Variants in SEC14L5 observed in about 807,000 individuals in gnomAD.
SEC14L5 encodes SEC14 like lipid binding 5.
In SEC14L5, 96 loss-of-function variants were observed where a neutral mutation model predicts 84.6. The observed-to-expected ratio is 1.13, with a 90% CI of 0.96 to 1.34. The LOEUF (loss-of-function observed/expected upper bound fraction) is 1.34, where lower values mean the gene tolerates loss of function less well. Among genes scored for constraint, SEC14L5 ranks in the 40% most tolerant of loss-of-function variants. SEC14L5 has a pLI of 0.00. For synonymous variants in SEC14L5, 546 were observed against 383.4 expected, an observed-to-expected ratio of 1.42 and a Z score of -4.95; for missense variants, 1,224 against 942.5, an observed-to-expected ratio of 1.30 and a Z score of -3.91.
At chr16:4,997,492 C>T (rs1490908050) in intron 8 of SEC14L5, among the ~76,000 whole-genome samples, 4 of 152,196 alleles carry the variant, frequency 2.6e-5, no homozygotes, top group Non-Finnish European at 5.9e-5. Context: ...GAAGTGACAA[C>T]CTAGCTAGGA....
At chr16:5,007,622 T>C (rs925750875) in intron 13 of SEC14L5, 136 bp downstream of exon 13, 10 of 758,526 alleles carry the variant, frequency 1.3e-5, no homozygotes, top group East Asian at 5.7e-5. Flanking sequence ...TTTTTTTTTT[T>C]TGGGATGGAG....
chr16:4,964,735 CTCT>C (rs547089807), intron 2 of SEC14L5, among the ~76,000 whole-genome samples: 175 of 152,200 alleles, frequency 1.1e-3, no homozygotes, highest in African/African-American at 3.7e-3. Context: ...TGTGCCCCAC[CTCT>C]TCTTCTTTTT....
Position 4,959,014 on chromosome 16 carries a change from G to C in SEC14L5, c.-51-259G>C, listed in dbSNP as rs1955086804. ...GCCGTAAGGCTTCTGGGGGCCCTCAGTGTGAAGGGGTGGGGGTAGAGGAAA... is the reference window on the plus strand; with the variant it reads ...GCCGTAAGGCTTCTGGGGGCCCTCACTGTGAAGGGGTGGGGGTAGAGGAAA... On this transcript the variant is annotated intron_variant, in intron 1 of 15. Transcript: ENST00000251170. Among the ~76,000 whole-genome samples the C allele has an allele frequency of 1.3e-5, 2 of 151,904 alleles. 1 individual carries two copies. Among genetic ancestry groups the C allele is most frequent in the South Asian group, 4.2e-4 (2 of 4,806 alleles).
chr16:4,996,416 C>G lies in SEC14L5; in HGVS notation c.736C>G (p.Leu246Val). Residue 246 changes from leucine (L) to valine (V), a missense_variant, in exon 7 of 16, where the codon CTG (leucine) becomes GTG (valine). By Grantham distance (32) the Leu-to-Val change is conservative. Transcript: ENST00000251170. Reference protein sequence around the residue: ...GHLTPMQESCLIQLRHWLQET... With the variant: ...GHLTPMQESCVIQLRHWLQET... ...CCTCACGCCCATGCAGGAGAGCTGC[C>G]TGATCCAGCTTCGGCACTGGTTACA... 6.4e-7 allele frequency: 1 copy of G among 1,574,304 alleles called. No individual in the cohort carries two copies. Among genetic ancestry groups the G allele is most frequent in the East Asian group, 2.4e-5 (1 of 42,376 alleles).
chr16:5,004,671 G>C (rs1380175828), intron 11 of SEC14L5, among the ~76,000 whole-genome samples: 1 of 152,164 alleles, frequency 6.6e-6, no homozygotes, highest in Non-Finnish European at 1.5e-5. Context: ...ACAGGAGAGG[G>C]CCCTGCACGG....
At chr16:5,004,171 TG>T (rs1295416957) in intron 11 of SEC14L5, among the ~76,000 whole-genome samples, 2 of 151,538 alleles carry the variant, frequency 1.3e-5, no homozygotes, top group East Asian at 3.9e-4. Context: ...GGCTGGAAGA[TG>T]TACAGGGGCA....
chr16:4,978,844 G>C (rs1056886506), intron 2 of SEC14L5, among the ~76,000 whole-genome samples: 3 of 152,032 alleles, frequency 2.0e-5, no homozygotes, highest in African/African-American at 7.2e-5. Context: ...CTCGTGATCT[G>C]CCCGCCTTGG....
intron 15 of SEC14L5, among the ~76,000 whole-genome samples, chr16:5,012,149 G>A (rs1172707833): frequency 1.3e-5 from 2 of 152,130 alleles, no homozygotes; most frequent in South Asian, 4.1e-4. Flanking sequence ...TCCAAGGAGG[G>A]GTCCCATAGT....
At position 4,991,854 on chromosome 16, in the gene SEC14L5, A is replaced by T; in HGVS notation, c.491A>T (p.Glu164Val). The change falls in exon 6 of 16, where the codon GAG becomes GTG. Residue 164 changes from glutamate to valine, a missense_variant. Coordinates refer to ENST00000251170, the MANE Select transcript of SEC14L5 (RefSeq NM_014692.2). ...GGCTTCCAGGGGAAGGAGGTGATTG[A>T]GCATTACCTGAATGAGCTCATCTCC... ...ANVKRGKEVI[E>V]HYLNELISQG... 1 of 1,607,016 alleles carries T rather than the reference A, an allele frequency of 6.2e-7. No homozygotes were observed. The highest frequency in any genetic ancestry group is 1.1e-5 in the South Asian group (1 of 89,904).
At chr16:4,982,216 C>G (rs921039966) in intron 2 of SEC14L5, among the ~76,000 whole-genome samples, 1 of 152,038 alleles carries the variant, frequency 6.6e-6, no homozygotes, top group South Asian at 2.1e-4. Flanking sequence ...CGGCCCCCCC[C>G]TCCCCCCGCC....
At position 4,990,903 on chromosome 16, in the gene SEC14L5, G is replaced by C; in HGVS notation, c.474+8G>C. On this transcript the variant is annotated splice_region_variant and intron_variant, in intron 5 of 15. Transcript: ENST00000251170. ...ACCGCCAACGTCAAGAGGGTAAGCG[G>C]TGGGTTGCGTTAGTTACTGGAGGAA... 1.3e-6 allele frequency: 2 copies of C among 1,568,736 alleles called. No homozygotes were observed. Among genetic ancestry groups the C allele is most frequent in the Non-Finnish European group, 1.7e-6 (2 of 1,156,956 alleles).
chr16:5,012,858 G>C (rs1257982064), intron 15 of SEC14L5, among the ~76,000 whole-genome samples: 1 of 150,992 alleles, frequency 6.6e-6, no homozygotes, highest in African/African-American at 2.4e-5. Flanking sequence ...TCGCGCCACT[G>C]CACTTCAGCC....
chr16:4,995,366 T>G (rs754119222), intron 6 of SEC14L5, among the ~76,000 whole-genome samples: 4 of 152,300 alleles, frequency 2.6e-5, no homozygotes, highest in Non-Finnish European at 4.4e-5. Flanking sequence ...ACCGCCCAGT[T>G]GTGGGGGACA....
In SEC14L5 at chr16:4,996,885, C is replaced by A; in HGVS notation, c.811C>A (p.Leu271Met). 4 of 1,613,532 alleles carry A rather than the reference C, an allele frequency of 2.5e-6. No homozygotes were observed. Among genetic ancestry groups the A allele is most frequent in the Non-Finnish European group, 3.4e-6 (4 of 1,179,718 alleles). ...IPKDEHILRF[L>M]RAHDFHLDKA... ...CAAAGATGAGCACATCCTTCGGTTC[C>A]TGCGGGCTCATGACTTCCACCTGGA... The change falls in exon 8 of 16, where the codon CTG (leucine) becomes ATG (methionine). Residue 271 changes from leucine (L) to methionine (M), a missense_variant. Coordinates refer to ENST00000251170, the MANE Select transcript of SEC14L5 (RefSeq NM_014692.2).
At chr16:4,987,851 G>GGATGAGGGTGGCGGGACCAGGGCC (rs1955509485) in intron 3 of SEC14L5, 145 bp downstream of exon 3, 1 of 703,870 alleles carries the variant, frequency 1.4e-6, no homozygotes, top group African/African-American at 1.8e-5. Flanking sequence ...GGAGGTTCCA[G>GGATGAGGGTGGCGGGACCAGGGCC]GATGAGGGTG....
chr16:4,990,566 CTT>C (rs1955541620), intron 4 of SEC14L5, among the ~76,000 whole-genome samples, 199 bp from the exon 5 acceptor site: 1 of 152,202 alleles, frequency 6.6e-6, no homozygotes, highest in East Asian at 1.9e-4. Flanking sequence ...CATGAGAAGG[CTT>C]TTTGTTCCCT....
intron 15 of SEC14L5, among the ~76,000 whole-genome samples, chr16:5,013,826 G>A (rs1250700614): frequency 2.0e-5 from 3 of 152,056 alleles, no homozygotes; most frequent in Non-Finnish European, 4.4e-5. Context: ...CCAAAGGGCT[G>A]GGATTACAGG....
chr16:4,986,837 G>C (rs979289703), intron 2 of SEC14L5, among the ~76,000 whole-genome samples: 2 of 152,068 alleles, frequency 1.3e-5, no homozygotes, highest in African/African-American at 4.8e-5. Flanking sequence ...CTCATTGTTA[G>C]TACATAGAAA....
chr16:4,987,420 C>G, intron 2 of SEC14L5, 137 bp from the exon 3 acceptor site: 1 of 672,780 alleles, frequency 1.5e-6, no homozygotes, highest in South Asian at 2.0e-5. Context: ...GTAATGACGG[C>G]AAAATCCCTG....
Sources: allele counts gnomAD v4.1 joint callset (sites outside exome capture counted in the v4.1 genomes callset), GRCh38; gene constraint gnomAD v4.1.1; transcripts MANE v1.5; gene names NCBI Gene and HGNC (gene_info 2026-07-23, HGNC 2026-07-21).